The following TNIP2 variants were observed in gnomAD, a reference collection of about 807,000 sequenced individuals.
TNIP2 encodes TNFAIP3 interacting protein 2.
Under a neutral mutation model 43.7 loss-of-function variants are expected in TNIP2, and 30 were observed. The ratio of observed to expected loss-of-function variants is 0.69; its 90% CI spans 0.51 to 0.93. The LOEUF (loss-of-function observed/expected upper bound fraction) is 0.93. TNIP2 is among the 40% of genes least tolerant of loss of function. The pLI is 0.00. For missense variants in TNIP2, 599 were observed against 591.0 expected (o/e 1.01, Z -0.14); for synonymous variants, 260 against 254.6 (o/e 1.02, Z -0.20).
intron 1 of TNIP2, among the ~76,000 whole-genome samples, chr4:2,754,661 C>T (rs1019395691): frequency 6.6e-6 from 1 of 152,230 alleles, no homozygotes; most frequent in African/African-American, 2.4e-5. Flanking sequence ...CGTGATCCGC[C>T]GCCTTGGCCT....
rs1722251423 is a variant in TNIP2, at chr4:2,756,303, C to G, written c.-14G>C. The G allele has an allele frequency of 8.2e-7, 1 of 1,223,706 alleles. No homozygotes were observed. Among genetic ancestry groups the G allele is most frequent in the Non-Finnish European group, 1.0e-6 (1 of 983,536 alleles). 75.8% of individuals were successfully genotyped at this position (1,223,706 alleles called of 1,614,324 possible). A position where few individuals can be genotyped will look rare whatever the true frequency, so the allele number is the denominator to read the frequency against. On this transcript the variant is annotated 5_prime_UTR_variant, in exon 1 of 6. Coordinates refer to ENST00000315423, the MANE Select transcript of TNIP2 (RefSeq NM_024309.4). Reference sequence around the variant, plus strand: ...GTCCCGGGACATGGCTGTAGGCCCGCCCGGGAGGCCGCGCGGCCGCCGGCA... The same window carrying G: ...GTCCCGGGACATGGCTGTAGGCCCGGCCGGGAGGCCGCGCGGCCGCCGGCA...
At chr4:2,747,595 G>A (rs1467075968) in intron 2 of TNIP2, 60 bp downstream of exon 2, 5 of 1,533,826 alleles carry the variant, frequency 3.3e-6, no homozygotes, top group African/African-American at 2.7e-5. Context: ...TCAGGGGCCT[G>A]TAGGCGATGC....
At chr4:2,748,789 C>T (rs896935593) in intron 1 of TNIP2, among the ~76,000 whole-genome samples, 8 of 139,940 alleles carry the variant, frequency 5.7e-5, no homozygotes, top group Non-Finnish European at 1.2e-4. Flanking sequence ...CCACTGCGCC[C>T]AGCAATTTTT....
At chr4:2,755,969 C>T (rs753522711) in intron 1 of TNIP2, 45 bp downstream of exon 1, 2 of 1,501,960 alleles carry the variant, frequency 1.3e-6, no homozygotes, top group South Asian at 2.5e-5. Context: ...GCGGCCGCCA[C>T]ACGCACTCTC....
chr4:2,744,450 T>C lies in TNIP2; in HGVS notation c.963A>G (p.Gln321=), dbSNP rs758361076. ...TTTCCTCCAGTTCTTGAATCCTACTTTGAGCCCGTTCCCGATCGGCCCTTT... is the reference window on the plus strand; with the variant it reads ...TTTCCTCCAGTTCTTGAATCCTACTCTGAGCCCGTTCCCGATCGGCCCTTT... ...MSERADRERA[Q]SRIQELEEKV... Residue 321 remains glutamine, a synonymous_variant, in exon 5 of 6, where the codon CAA becomes CAG. Transcript: ENST00000315423. This position sits in a 1 kb window ranked among gnomAD's most constrained non-coding sequence, Gnocchi z 5.1. 3.1e-6 allele frequency: 5 copies of C among 1,614,206 alleles called. No homozygotes were observed. Among genetic ancestry groups the C allele is most frequent in the Non-Finnish European group, 4.2e-6 (5 of 1,180,028 alleles).
intron 5 of TNIP2, among the ~76,000 whole-genome samples, chr4:2,743,782 A>T (rs1577306099): frequency 1.3e-5 from 2 of 152,344 alleles, no homozygotes; most frequent in East Asian, 1.9e-4. Context: ...GAGGAGCTAC[A>T]TAAACTTCTC....
At chr4:2,745,584 A>G (rs1185355974) in intron 2 of TNIP2, 49 bp from the exon 3 acceptor site, 1 of 1,375,884 alleles carries the variant, frequency 7.3e-7, no homozygotes, top group East Asian at 2.3e-5. Context: ...ATACAGCAAG[A>G]GGGGAGAAAG....
intron 2 of TNIP2, among the ~76,000 whole-genome samples, chr4:2,746,442 G>C (rs967790721): frequency 1.3e-5 from 2 of 152,148 alleles, no homozygotes; most frequent in African/African-American, 4.8e-5. Flanking sequence ...TCCCCAGAGG[G>C]AAATGACACA....
rs141227921 is a variant in TNIP2, at chr4:2,744,588, C to A, written c.907-82G>T. On this transcript the variant is annotated intron_variant, in intron 4 of 5. Transcript: ENST00000315423. This position sits in a 1 kb window ranked among gnomAD's most constrained non-coding sequence, Gnocchi z 5.1. ...GCTTCTCCCACCCCCACAGTGACCA[C>A]TGCCCACTCAGTGCCACCAAGCCTT... 7 of 1,600,324 alleles carry A rather than the reference C, an allele frequency of 4.4e-6. No homozygotes were observed. Among genetic ancestry groups the A allele is most frequent in the Middle Eastern group, 1.7e-4 (1 of 6,028 alleles).
At chr4:2,747,030 C>CA (rs748467476) in intron 2 of TNIP2, among the ~76,000 whole-genome samples, 2 of 152,250 alleles carry the variant, frequency 1.3e-5, no homozygotes, top group Non-Finnish European at 2.9e-5. Flanking sequence ...CCCTCACTGT[C>CA]ACTTGGTGCC....
chr4:2,744,252 A>G lies in TNIP2; in HGVS notation c.1026+135T>C. The stretch of plus-strand genomic sequence containing the variant: ...TACCAGGCCAGGTGGCTCTCCCCAC[A>G]GCAGGGAGGGGCTCGCCACAACCCT... On this transcript the variant is annotated intron_variant, in intron 5 of 5. Transcript: ENST00000315423. This position sits in a 1 kb window ranked among gnomAD's most constrained non-coding sequence, Gnocchi z 5.1. 1 of 1,148,634 alleles carries G rather than the reference A, an allele frequency of 8.7e-7. No homozygotes were observed. The highest frequency in any genetic ancestry group is 1.2e-6 in the Non-Finnish European group (1 of 812,742). 71.2% of individuals were successfully genotyped at this position (1,148,634 alleles called of 1,614,324 possible). A position where few individuals can be genotyped will look rare whatever the true frequency, so the allele number is the denominator to read the frequency against.
intron 3 of TNIP2, 143 bp from the exon 4 acceptor site, chr4:2,745,088 A>G (rs1721910068): frequency 1.8e-6 from 2 of 1,131,208 alleles, no homozygotes; most frequent in African/African-American, 3.1e-5. Context: ...CCTGTTCTGT[A>G]GAGAGCAGAC....
chr4:2,755,808 C>T, intron 1 of TNIP2: 1 of 640,334 alleles, frequency 1.6e-6, no homozygotes, highest in Non-Finnish European at 2.3e-6. Context: ...GAGCCGGGGC[C>T]CCCTCACCCC....
chr4:2,745,446 G>C lies in TNIP2; in HGVS notation c.657C>G (p.His219Gln), dbSNP rs758835523. The C allele has an allele frequency of 6.7e-5, 107 of 1,607,790 alleles. No homozygotes were observed. The South Asian group carries it at 8.7e-4, about 13-fold the overall frequency. ...ENRLLKQKVT[H>Q]VEDLNAKWQR... ...CAAACGAAATGTGAAAGACACTCACGTGAGTCACCTTCTGTTTTAACAGTC... is the reference window on the plus strand; with the variant it reads ...CAAACGAAATGTGAAAGACACTCACCTGAGTCACCTTCTGTTTTAACAGTC... Residue 219 changes from histidine to glutamine, a missense_variant and splice_region_variant, in exon 3 of 6, where the codon CAC (histidine) becomes CAG (glutamine). Transcript: ENST00000315423.
In TNIP2 at chr4:2,747,653, A is replaced by G; in HGVS notation, c.567+2T>C. On this transcript the variant is annotated splice_donor_variant, in intron 2 of 5. Coordinates refer to ENST00000315423, the MANE Select transcript of TNIP2 (RefSeq NM_024309.4). LOFTEE classifies it high-confidence loss of function. ...CCACACTCTGCTTACACTGTGGCCT[A>G]CCTGGTCAGGACTTCTCTCCCCCAC... is the stretch of plus-strand genomic sequence containing the variant. The G allele has an allele frequency of 1.9e-6, 3 of 1,593,902 alleles. No homozygotes were observed. Among genetic ancestry groups the G allele is most frequent in the Non-Finnish European group, 2.6e-6 (3 of 1,176,098 alleles).
rs1168043455 is a variant in TNIP2 at position 2,756,150 on chromosome 4, C to A, written c.140G>T (p.Arg47Leu). ...QLAARDALIA[R>L]LRARLAALEG... is the part of the protein sequence containing the mutation. ...CAGCGCGGCCAGGCGGGCGCGGAGG[C>A]GAGCGATGAGGGCGTCGCGGGCAGC... is the stretch of plus-strand genomic sequence containing the variant. Residue 47 changes from arginine to leucine, a missense_variant, in exon 1 of 6, where the codon CGC becomes CTC. Physicochemically the swap from Arg to Leu is moderately radical, Grantham distance 102. Transcript: ENST00000315423. 1 of 1,476,408 alleles carries A rather than the reference C, an allele frequency of 6.8e-7. No homozygotes were observed. The highest frequency in any genetic ancestry group is 8.9e-7 in the Non-Finnish European group (1 of 1,121,780). 91.5% of individuals were successfully genotyped at this position (1,476,408 alleles called of 1,614,324 possible). A position where few individuals can be genotyped will look rare whatever the true frequency, so the allele number is the denominator to read the frequency against.
intron 1 of TNIP2, among the ~76,000 whole-genome samples, chr4:2,752,042 T>C (rs1328915403): frequency 7.8e-6 from 1 of 127,916 alleles, no homozygotes; most frequent in African/African-American, 3.0e-5. Context: ...GAGGTGGAGG[T>C]TGCACTGAGC....
rs1482459699 is a variant in TNIP2, at chr4:2,741,848, G to A, written c.*409C>T. On this transcript the variant is annotated 3_prime_UTR_variant, in exon 6 of 6. Transcript: ENST00000315423. Reference sequence around the variant, plus strand: ...TACTCCATTTGACTGGTTCGAGGCAGAGAGGCGACGCTTTATTCCATAGAA... The same window carrying A: ...TACTCCATTTGACTGGTTCGAGGCAAAGAGGCGACGCTTTATTCCATAGAA... The A allele has an allele frequency of 6.0e-6, 1 of 167,754 alleles. No individual in the cohort carries two copies. The highest frequency in any genetic ancestry group is 2.4e-5 in the African/African-American group (1 of 42,162). 10.4% of individuals were successfully genotyped at this position (167,754 alleles called of 1,614,324 possible).
At chr4:2,751,645 C>T (rs1722105077) in intron 1 of TNIP2, among the ~76,000 whole-genome samples, 1 of 151,918 alleles carries the variant, frequency 6.6e-6, no homozygotes, top group South Asian at 2.1e-4. Flanking sequence ...TGGTGGTGGG[C>T]GTTTGTAGTC....
Sources: allele counts gnomAD v4.1 joint callset (sites outside exome capture counted in the v4.1 genomes callset), GRCh38; gene constraint gnomAD v4.1.1; non-coding constraint Gnocchi (gnomAD v3.1); transcripts MANE v1.5; gene names NCBI Gene and HGNC (gene_info 2026-07-23, HGNC 2026-07-21).